The following FOXP1 variants were observed in gnomAD, a reference collection of about 807,000 sequenced individuals.
The protein encoded by FOXP1 is forkhead box P1, also known as forkhead box protein P1.
Under a neutral mutation model 98.2 loss-of-function variants are expected in FOXP1, and 15 were observed. The ratio of observed to expected loss-of-function variants is 0.15; its 90% CI spans 0.10 to 0.24. FOXP1 has a LOEUF of 0.24. Among genes scored for constraint, FOXP1 ranks in the 10% least tolerant of loss-of-function variants. The pLI, the probability that FOXP1 is intolerant of heterozygous loss-of-function variation, is 1.00. For missense variants in FOXP1, 633 were observed against 848.5 expected (o/e 0.75, Z 3.15); for synonymous variants, 371 against 314.5 (o/e 1.18, Z -1.90).
chr3:71,026,020 G>A (rs755443726), intron 11 of FOXP1, among the ~76,000 whole-genome samples: 2 of 152,174 alleles, frequency 1.3e-5, no homozygotes, highest in Non-Finnish European at 2.9e-5. Flanking sequence ...ACCATATTCA[G>A]TCAAGGTCCC....
At chr3:71,286,052 T>C (rs2072090764) in intron 5 of FOXP1, among the ~76,000 whole-genome samples, 1 of 152,232 alleles carries the variant, frequency 6.6e-6, no homozygotes, top group Admixed American at 6.5e-5. Flanking sequence ...TTTTTACTTA[T>C]ATATTTTCAT....
chr3:71,385,850 A>C (rs753215982), intron 3 of FOXP1, among the ~76,000 whole-genome samples: 2 of 152,008 alleles, frequency 1.3e-5, no homozygotes, highest in Non-Finnish European at 2.9e-5. Flanking sequence ...CACTCTTTCT[A>C]CTGGCTTCTG....
At chr3:71,204,434 A>G (rs1371951223) in intron 5 of FOXP1, among the ~76,000 whole-genome samples, 2 of 152,128 alleles carry the variant, frequency 1.3e-5, no homozygotes, top group Non-Finnish European at 2.9e-5. Context: ...GTACTCTTTA[A>G]TGCTCATGTG....
At chr3:71,053,821 C>G (rs774189512) in intron 7 of FOXP1, 48 bp from the exon 8 acceptor site, 3 of 1,611,326 alleles carry the variant, frequency 1.9e-6, no homozygotes, top group African/African-American at 1.3e-5. Context: ...ATCAGAAGCA[C>G]GCAGCCTCCC....
At chr3:71,409,327 G>C (rs190123826) in intron 3 of FOXP1, among the ~76,000 whole-genome samples, 1 of 152,052 alleles carries the variant, frequency 6.6e-6, no homozygotes, top group African/African-American at 2.4e-5. Flanking sequence ...AGTGCCATGA[G>C]ATCAGGGAGT....
intron 6 of FOXP1, among the ~76,000 whole-genome samples, chr3:71,113,847 G>A (rs572775104): frequency 1.3e-5 from 2 of 152,004 alleles, no homozygotes; most frequent in Non-Finnish European, 2.9e-5. Flanking sequence ...CAGGAATACT[G>A]GCTAGCCACA....
At chr3:71,480,525 A>C (rs991650311) in intron 3 of FOXP1, among the ~76,000 whole-genome samples, 2 of 152,240 alleles carry the variant, frequency 1.3e-5, no homozygotes, top group Non-Finnish European at 2.9e-5. Flanking sequence ...TTTGTCAAAA[A>C]GAAGTGCCCT....
chr3:71,114,703 A>T (rs2058222503), intron 6 of FOXP1, among the ~76,000 whole-genome samples: 1 of 152,122 alleles, frequency 6.6e-6, no homozygotes, highest in Non-Finnish European at 1.5e-5. Context: ...CTGTGAAGGG[A>T]GAGACAGATT....
intron 6 of FOXP1, among the ~76,000 whole-genome samples, chr3:71,169,735 T>C (rs1234551587): frequency 6.6e-6 from 1 of 151,346 alleles, no homozygotes; most frequent in African/African-American, 2.4e-5. Flanking sequence ...TCAGTTACTT[T>C]AGGTTTTCAA....
intron 3 of FOXP1, among the ~76,000 whole-genome samples, chr3:71,403,902 C>A (rs1213032797): frequency 6.6e-6 from 1 of 151,816 alleles, no homozygotes; most frequent in Non-Finnish European, 1.5e-5. Context: ...TGATGGAATT[C>A]CAAGTATGAT....
At chr3:71,151,373 T>C (rs1208618356) in intron 6 of FOXP1, among the ~76,000 whole-genome samples, 3 of 152,204 alleles carry the variant, frequency 2.0e-5, no homozygotes, top group African/African-American at 7.2e-5. Flanking sequence ...CCTAGTTCAA[T>C]GTGGGAACAA....
chr3:71,106,460 C>T (rs1297946045), intron 7 of FOXP1, among the ~76,000 whole-genome samples: 2 of 151,996 alleles, frequency 1.3e-5, no homozygotes, highest in African/African-American at 4.8e-5. Context: ...CTCAGCCTCC[C>T]GAGTAGCTGG....
intron 2 of FOXP1, among the ~76,000 whole-genome samples, chr3:71,494,971 T>C (rs2091307377): frequency 6.6e-6 from 1 of 151,928 alleles, no homozygotes; most frequent in African/African-American, 2.4e-5. Context: ...AGAAATGGGC[T>C]GAAGTTGTTT....
chr3:71,502,312 G>A lies in FOXP1; in HGVS notation c.-297-8757C>T, dbSNP rs903351445. Among the ~76,000 whole-genome samples, 7 of 152,294 alleles carry A rather than the reference G, an allele frequency of 4.6e-5. No individual in the cohort carries two copies. In the East Asian group the frequency reaches 5.8e-4, roughly 13 times the overall value. On this transcript the variant is annotated intron_variant, in intron 2 of 20. Coordinates refer to ENST00000649528, the MANE Select transcript of FOXP1 (RefSeq NM_001349338.3). ...AGCCTCTGCAGCTCCCTGGAAGGACGGTCAAGTGAACAGAGAGCTGGCTGC... is the reference window on the plus strand; with the variant it reads ...AGCCTCTGCAGCTCCCTGGAAGGACAGTCAAGTGAACAGAGAGCTGGCTGC...
intron 7 of FOXP1, among the ~76,000 whole-genome samples, chr3:71,105,216 T>A (rs1330724862): frequency 6.6e-6 from 1 of 152,142 alleles, no homozygotes; most frequent in East Asian, 1.9e-4. Context: ...TTTCTTTTTT[T>A]TTCCCCCTCT....
chr3:71,124,239 T>C (rs1331884812), intron 6 of FOXP1, among the ~76,000 whole-genome samples: 1 of 151,890 alleles, frequency 6.6e-6, no homozygotes, highest in Non-Finnish European at 1.5e-5. Flanking sequence ...TGTACCTGCA[T>C]AGTCGTTTGA....
At chr3:71,072,031 C>G (rs180731888) in intron 7 of FOXP1, among the ~76,000 whole-genome samples, 1 of 152,074 alleles carries the variant, frequency 6.6e-6, no homozygotes, top group Non-Finnish European at 1.5e-5. Context: ...GTAAAACTAC[C>G]AGAAATAGGG....
chr3:71,441,206 C>A (rs747382952), intron 3 of FOXP1, among the ~76,000 whole-genome samples: 1 of 152,186 alleles, frequency 6.6e-6, no homozygotes, highest in Non-Finnish European at 1.5e-5. Context: ...CTAGGTGGGA[C>A]TGTACTATGG....
intron 2 of FOXP1, among the ~76,000 whole-genome samples, chr3:71,520,436 T>G (rs2042893905): frequency 1.3e-5 from 2 of 152,184 alleles, no homozygotes; most frequent in Admixed American, 1.3e-4. Context: ...CAGGAATCCT[T>G]GCAGAATTAT....
Sources: gnomAD v4.1 joint callset for allele counts (sites outside exome capture counted in the v4.1 genomes callset) on GRCh38, gnomAD v4.1.1 for gene constraint, MANE v1.5 for transcripts, NCBI Gene and HGNC (gene_info 2026-07-23, HGNC 2026-07-21) for gene names.